The following KIF20B variants were observed in gnomAD, a reference collection of about 807,000 sequenced individuals.
KIF20B encodes the protein kinesin-like protein KIF20B.
KIF20B carries 188 observed loss-of-function variants against 232.5 expected under a neutral mutation model. The observed-to-expected ratio is 0.81, with a 90% confidence interval of 0.72 to 0.91. The LOEUF is 0.91. Among genes scored for constraint, KIF20B ranks in the 40% least tolerant of loss-of-function variants. KIF20B has a pLI of 0.00. For missense variants in KIF20B, 2,154 were observed against 2,055.9 expected, an observed-to-expected ratio of 1.05 and a Z score of -0.92; for synonymous variants, 712 against 683.0, an observed-to-expected ratio of 1.04 and a Z score of -0.66.
At position 89,710,029 on chromosome 10, in the gene KIF20B, G is replaced by C. The variant is rs372770283; in HGVS notation, c.454G>C (p.Gly152Arg). 6.2e-7 allele frequency: 1 copy of C among 1,608,334 alleles called. No homozygotes were observed. Among genetic ancestry groups the C allele is most frequent in the African/African-American group, 1.3e-5 (1 of 74,620 alleles). The change falls in exon 5 of 33, where the codon GGG (glycine) becomes CGG (arginine). Residue 152 changes from glycine (G) to arginine (R), a missense_variant. Physicochemically the swap from Gly to Arg is moderately radical, Grantham distance 125 (BLOSUM62 -2). Coordinates refer to ENST00000371728, the MANE Select transcript of KIF20B (RefSeq NM_001284259.2). ...ACAGAGTCGTCTGATTTTTACTTAC[G>C]GGCTAACCAATTCAGGAAAAACATA... Reference protein sequence around the residue: ...KGQSRLIFTYGLTNSGKTYTF... With the variant: ...KGQSRLIFTYRLTNSGKTYTF...
chr10:89,717,085 T>C (rs548106928), intron 9 of KIF20B, among the ~76,000 whole-genome samples: 28 of 152,222 alleles, frequency 1.8e-4, no homozygotes, highest in Non-Finnish European at 3.4e-4. Flanking sequence ...GCTTTAGGTA[T>C]GTATTCAGAG....
intron 22 of KIF20B, among the ~76,000 whole-genome samples, chr10:89,745,639 G>T (rs1463775868): frequency 6.6e-6 from 1 of 151,568 alleles, no homozygotes; most frequent in Non-Finnish European, 1.5e-5. Context: ...TTTGTCGCCA[G>T]GCTGGAGTAC....
At chr10:89,757,040 G>GTGTGTGTATATATATATATATA (rs1301847520) in intron 26 of KIF20B, among the ~76,000 whole-genome samples, 2 of 110,750 alleles carry the variant, frequency 1.8e-5, no homozygotes, top group Admixed American at 1.9e-4. Flanking sequence ...GTGTGTGTGT[G>GTGTGTGTATATATATATATATA]TATATATATA....
At position 89,718,633 on chromosome 10, in the gene KIF20B, T is replaced by C. The variant is rs539230629; in HGVS notation, c.1272-77T>C. 5.1e-5 allele frequency: 59 copies of C among 1,146,520 alleles called. No homozygotes were observed. In the African/African-American group the frequency reaches 9.1e-4, roughly 18 times the overall value. 71.0% of individuals were successfully genotyped at this position (1,146,520 alleles called of 1,614,324 possible). ...TCATGATAGGTGGCTTAATTATTTC[T>C]TTGTAAAATGTCTCAGCACCCTGAT... is the stretch of plus-strand genomic sequence containing the variant. On this transcript the variant is annotated intron_variant, in intron 11 of 32. Transcript: ENST00000371728.
chr10:89,721,699 G>A (rs1270871688), intron 13 of KIF20B, among the ~76,000 whole-genome samples: 1 of 144,708 alleles, frequency 6.9e-6, no homozygotes, highest in African/African-American at 2.5e-5. Flanking sequence ...AAAAAACCCA[G>A]TTTTTTTTTT....
chr10:89,741,586 G>C (rs796082997), intron 21 of KIF20B, among the ~76,000 whole-genome samples: 4 of 152,226 alleles, frequency 2.6e-5, no homozygotes, highest in African/African-American at 7.2e-5. Context: ...ACACAATATC[G>C]GGTATAGACA....
chr10:89,763,890 A>T (rs1411992349), intron 29 of KIF20B, among the ~76,000 whole-genome samples: 3 of 96,248 alleles, frequency 3.1e-5, no homozygotes, highest in Non-Finnish European at 4.8e-5. Flanking sequence ...ATATATTTTT[A>T]TTTATTTATT....
rs113489814 is a variant in KIF20B at position 89,754,420 on chromosome 10, A to G, written c.4348-98A>G. ...TAAAGTGAAACATTAAAGTTTTTAT[A>G]GAGGTGAAAAGTAATGGATTGTATG... On this transcript the variant is annotated intron_variant, in intron 25 of 32. Coordinates refer to ENST00000371728, the MANE Select transcript of KIF20B (RefSeq NM_001284259.2). 922 of 635,726 alleles carry G rather than the reference A, an allele frequency of 1.5e-3. 8 individuals are homozygous for G. In the African/African-American group the frequency reaches 0.015, roughly 11 times the overall value. 39.4% of individuals were successfully genotyped at this position (635,726 alleles called of 1,614,324 possible).
At chr10:89,764,716 G>A (rs1198274139) in intron 29 of KIF20B, among the ~76,000 whole-genome samples, 9 of 150,878 alleles carry the variant, frequency 6.0e-5, no homozygotes, top group South Asian at 2.1e-4. Flanking sequence ...GTCTGTTCAT[G>A]TCCTTCGCCC....
intron 28 of KIF20B, 127 bp from the exon 29 acceptor site, chr10:89,762,511 G>T: frequency 1.5e-6 from 1 of 655,330 alleles, no homozygotes; most frequent in Non-Finnish European, 2.6e-6. Flanking sequence ...TGTTCTTGCT[G>T]TGATCTAGCA....
At chr10:89,718,031 G>A (rs1204840571) in intron 11 of KIF20B, among the ~76,000 whole-genome samples, 2 of 152,140 alleles carry the variant, frequency 1.3e-5, no homozygotes, top group Non-Finnish European at 2.9e-5. Flanking sequence ...TTAATGCATT[G>A]TGTGTGGTTC....
chr10:89,724,135 T>A, intron 14 of KIF20B, 32 bp downstream of exon 14: 1 of 1,440,162 alleles, frequency 6.9e-7, no homozygotes, highest in African/African-American at 1.5e-5. Flanking sequence ...CAGGTAAAAA[T>A]TGAGAATTTT....
chr10:89,773,872 A>G, intron 32 of KIF20B, 99 bp from the exon 33 acceptor site: 3 of 547,960 alleles, frequency 5.5e-6, no homozygotes, highest in East Asian at 6.2e-5. Context: ...GTATCATTTC[A>G]GTTACTAAGC....
Position 89,762,802 on chromosome 10 carries a change from G to T in KIF20B, c.4956G>T (p.Lys1652Asn). 1.2e-6 allele frequency: 2 copies of T among 1,612,916 alleles called. No homozygotes were observed. The highest frequency in any genetic ancestry group is 1.7e-6 in the Non-Finnish European group (2 of 1,179,222). Residue 1652 changes from lysine (K) to asparagine (N), a missense_variant, in exon 29 of 33, where the codon AAG becomes AAT. Coordinates refer to ENST00000371728, the MANE Select transcript of KIF20B (RefSeq NM_001284259.2). Reference protein sequence around the residue: ...CTTPVTVKIPKARKRKSNEME... With the variant: ...CTTPVTVKIPNARKRKSNEME... ...CACCAGTGACAGTTAAGATTCCCAAGGCTCGGAAGAGGAAGAGTAATGAAA... is the reference window on the plus strand; with the variant it reads ...CACCAGTGACAGTTAAGATTCCCAATGCTCGGAAGAGGAAGAGTAATGAAA...
At chr10:89,768,660 C>CT (rs1842410225) in intron 30 of KIF20B, 78 bp from the exon 31 acceptor site, 1 of 1,351,874 alleles carries the variant, frequency 7.4e-7, no homozygotes, top group Admixed American at 2.5e-5. Context: ...TCTCTGGCCT[C>CT]TTTAATTCAG....
In KIF20B at chr10:89,769,674, G is replaced by GAT. The variant is rs140501518; in HGVS notation, c.5242+792_5242+793dup. On this transcript the variant is annotated intron_variant, in intron 31 of 32. Transcript: ENST00000371728. The stretch of plus-strand genomic sequence containing the variant: ...ATATTGATACCTGTGTATATGTTAA[G>GAT]ATATATACACATGTGTGCACATATG... Among the ~76,000 whole-genome samples the GAT allele has an allele frequency of 3.3e-3, 482 of 146,012 alleles. 4 individuals carry two copies. The highest frequency in any genetic ancestry group is 0.011 in the African/African-American group (449 of 41,320).
In KIF20B at chr10:89,717,473, T is replaced by G. The variant is rs1438344995; in HGVS notation, c.1102T>G (p.Ser368Ala). The G allele has an allele frequency of 1.3e-6, 2 of 1,598,042 alleles. No homozygotes were observed. Among genetic ancestry groups the G allele is most frequent in the South Asian group, 1.1e-5 (1 of 89,996 alleles). Reference sequence around the variant, plus strand: ...ATTACAGATTGAAGATTCTGAAATGTCTCGTGTAATTCGAGTCAGTGAGTA... The same window carrying G: ...ATTACAGATTGAAGATTCTGAAATGGCTCGTGTAATTCGAGTCAGTGAGTA... ...KILQIEDSEM[S>A]RVIRVSELSL... Residue 368 changes from serine (S) to alanine (A), a missense_variant, in exon 10 of 33, where the codon TCT becomes GCT. Transcript: ENST00000371728.
chr10:89,735,536 T>C (rs1256346599), intron 19 of KIF20B, among the ~76,000 whole-genome samples: 1 of 61,372 alleles, frequency 1.6e-5, no homozygotes, highest in East Asian at 9.8e-4. Context: ...AGTAAGTGTC[T>C]TTTTTTTTTT....
intron 28 of KIF20B, 29 bp downstream of exon 28, chr10:89,760,665 T>C (rs1842220620): frequency 3.2e-6 from 4 of 1,258,030 alleles, no homozygotes; most frequent in Non-Finnish European, 3.5e-6. Flanking sequence ...AGTCCACTTA[T>C]TTATTCTCTT....
Sources: gnomAD v4.1 joint callset for allele counts (sites outside exome capture counted in the v4.1 genomes callset) on GRCh38, gnomAD v4.1.1 for gene constraint, MANE v1.5 for transcripts, NCBI Gene and HGNC (gene_info 2026-07-23, HGNC 2026-07-21) for gene names.